The following HERC4 variants were observed in gnomAD, a reference collection of about 807,000 sequenced individuals.
The protein encoded by HERC4 is probable E3 ubiquitin-protein ligase HERC4.
HERC4 carries 28 observed loss-of-function variants against 124.3 expected under a neutral mutation model. The ratio of observed to expected loss-of-function variants is 0.23; its 90% CI spans 0.17 to 0.31. HERC4 has a LOEUF of 0.31. HERC4 is among the 10% of genes least tolerant of loss of function. The pLI, the probability that HERC4 is intolerant of heterozygous loss-of-function variation, is 1.00. For missense variants in HERC4, 713 were observed against 1,229.3 expected (o/e 0.58, Z 6.28); for synonymous variants, 407 against 421.5 (o/e 0.97, Z 0.42).
chr10:68,001,462 G>C (rs138596921), intron 9 of HERC4, among the ~76,000 whole-genome samples: 2 of 152,178 alleles, frequency 1.3e-5, no homozygotes, highest in African/African-American at 4.8e-5. Flanking sequence ...GGGGGCCATG[G>C]GTTTAACCTC....
chr10:68,022,500 A>T (rs1041662760), intron 8 of HERC4, among the ~76,000 whole-genome samples: 4 of 143,916 alleles, frequency 2.8e-5, no homozygotes, highest in African/African-American at 1.0e-4. Context: ...ACTCCATCTC[A>T]AAATAAATAA....
intron 5 of HERC4, among the ~76,000 whole-genome samples, chr10:68,034,425 G>C (rs1356420674): frequency 6.6e-6 from 1 of 152,092 alleles, no homozygotes; most frequent in East Asian, 1.9e-4. Context: ...CTACACAGAT[G>C]AACCGGTGAA....
intron 15 of HERC4, among the ~76,000 whole-genome samples, chr10:67,973,855 C>A (rs953846464): frequency 2.0e-5 from 3 of 151,742 alleles, no homozygotes; most frequent in African/African-American, 7.3e-5. Flanking sequence ...AGATCGAGAC[C>A]ATTCAACATG....
intron 9 of HERC4, among the ~76,000 whole-genome samples, chr10:68,004,018 GC>G (rs1319098188): frequency 6.7e-6 from 1 of 149,252 alleles, no homozygotes; most frequent in Non-Finnish European, 1.5e-5. Context: ...GCATGTTATT[GC>G]CCTCTTTCAG....
At chr10:67,946,352 C>CAA (rs1446744733) in intron 19 of HERC4, among the ~76,000 whole-genome samples, 3 of 75,688 alleles carry the variant, frequency 4.0e-5, no homozygotes, top group Non-Finnish European at 8.3e-5. Flanking sequence ...AACACAAACA[C>CAA]ACACACACAC....
At chr10:67,934,038 T>C (rs192804597) in intron 22 of HERC4, among the ~76,000 whole-genome samples, 1 of 152,310 alleles carries the variant, frequency 6.6e-6, no homozygotes, top group Admixed American at 6.5e-5. Flanking sequence ...ATTCCCGCTA[T>C]TAAAAGGCAA....
intron 5 of HERC4, among the ~76,000 whole-genome samples, chr10:68,035,995 T>C (rs541488161): frequency 2.0e-5 from 3 of 152,172 alleles, no homozygotes; most frequent in Admixed American, 6.5e-5. Flanking sequence ...TACTGTAGTA[T>C]GCCTAGTTCA....
intron 15 of HERC4, among the ~76,000 whole-genome samples, chr10:67,982,993 T>G (rs1250587962): frequency 5.4e-5 from 8 of 146,824 alleles, no homozygotes; most frequent in East Asian, 2.0e-4. Flanking sequence ...CTGGGCATGG[T>G]GGCGTGGGCC....
chr10:67,977,416 T>C (rs1044511990), intron 15 of HERC4, among the ~76,000 whole-genome samples: 7 of 152,168 alleles, frequency 4.6e-5, no homozygotes, highest in South Asian at 2.1e-4. Context: ...GCAATATCCA[T>C]GTACTAGGTA....
intron 3 of HERC4, among the ~76,000 whole-genome samples, chr10:68,059,826 A>ATTATATATT (rs1564609678): frequency 1.6e-5 from 1 of 62,788 alleles, no homozygotes; most frequent in African/African-American, 1.8e-4. Context: ...TATATATCAT[A>ATTATATATT]ATATTATATA....
At chr10:68,057,795 G>A (rs1332455717) in intron 3 of HERC4, among the ~76,000 whole-genome samples, 2 of 151,664 alleles carry the variant, frequency 1.3e-5, no homozygotes, top group Non-Finnish European at 2.9e-5. Context: ...CACCTTCTGG[G>A]TTCAAGCAAT....
intron 15 of HERC4, among the ~76,000 whole-genome samples, chr10:67,984,664 C>G (rs1273557231): frequency 2.6e-5 from 4 of 152,160 alleles, no homozygotes; most frequent in African/African-American, 9.7e-5. Flanking sequence ...CTCACTGCAA[C>G]CTCCACCTCC....
chr10:68,039,716 A>G (rs2039665163), intron 4 of HERC4: 1 of 1,339,324 alleles, frequency 7.5e-7, no homozygotes, highest in African/African-American at 1.5e-5. Flanking sequence ...AAACACTGGC[A>G]ATGCAAACAG....
intron 3 of HERC4, among the ~76,000 whole-genome samples, chr10:68,050,626 G>C (rs2176102): frequency 1.3e-5 from 2 of 152,080 alleles, no homozygotes; most frequent in African/African-American, 4.8e-5. Flanking sequence ...TGACTTTTTA[G>C]ACATCAAATA....
intron 20 of HERC4, 102 bp downstream of exon 20, chr10:67,940,837 G>C: frequency 9.8e-7 from 1 of 1,017,720 alleles, no homozygotes; most frequent in South Asian, 1.6e-5. Context: ...AATTTAACAA[G>C]AAGAACAAAA....
At chr10:68,010,912 G>A in intron 9 of HERC4, 1 of 1,305,640 alleles carries the variant, frequency 7.7e-7, no homozygotes, top group Admixed American at 1.9e-5. Context: ...TAAGATTGCA[G>A]CAATTCAGTC....
At chr10:68,003,240 C>T (rs1451748052) in intron 9 of HERC4, among the ~76,000 whole-genome samples, 1 of 151,518 alleles carries the variant, frequency 6.6e-6, no homozygotes, top group Non-Finnish European at 1.5e-5. Context: ...CTGCAAGCTC[C>T]GCCTCCCGGG....
intron 3 of HERC4, among the ~76,000 whole-genome samples, chr10:68,049,933 G>A (rs1004885794): frequency 6.6e-6 from 1 of 151,904 alleles, no homozygotes; most frequent in African/African-American, 2.4e-5. Flanking sequence ...AAGGCCAGAC[G>A]CAGTGGCTTA....
rs1251287418 is a variant in HERC4, at chr10:67,922,799, C to T, written c.*132G>A. 8.2e-6 allele frequency: 5 copies of T among 612,702 alleles called. No homozygotes were observed. Among genetic ancestry groups the T allele is most frequent in the African/African-American group, 1.8e-5 (1 of 55,234 alleles). The allele number at this position is 612,702 out of a possible 1,614,324, so 38.0% of individuals were successfully genotyped here. ...TTTAATATTTTTTGGCTTCCATGAA[C>T]ACTCGTAGATTGAACATTCTGCAAG... On this transcript the variant is annotated 3_prime_UTR_variant, in exon 25 of 25. Transcript: ENST00000373700.
Sources: gnomAD v4.1 joint callset for allele counts (sites outside exome capture counted in the v4.1 genomes callset) on GRCh38, gnomAD v4.1.1 for gene constraint, MANE v1.5 for transcripts, NCBI Gene and HGNC (gene_info 2026-07-23, HGNC 2026-07-21) for gene names.